CNST: variants seen among roughly 807,000 people sequenced by gnomAD.
CNST encodes the protein consortin, connexin sorting protein.
A neutral mutation model predicts 72.4 loss-of-function variants in CNST; 39 were observed. The observed-to-expected ratio is 0.54, with a 90% CI of 0.42 to 0.70. The LOEUF is 0.70. Among genes scored for constraint, CNST ranks in the 30% least tolerant of loss-of-function variants. The pLI is 0.00. For synonymous variants in CNST, 332 were observed against 320.1 expected (o/e 1.04, Z -0.40); for missense variants, 871 against 868.5 (o/e 1.00, Z -0.04).
At chr1:246,577,214 C>G (rs1342588577) in intron 1 of CNST, among the ~76,000 whole-genome samples, 2 of 152,018 alleles carry the variant, frequency 1.3e-5, no homozygotes, top group Non-Finnish European at 2.9e-5. Context: ...TGATACTTCT[C>G]ATGAAGTAAA....
chr1:246,608,638 G>A (rs544970290), intron 2 of CNST, among the ~76,000 whole-genome samples: 1 of 152,318 alleles, frequency 6.6e-6, no homozygotes, highest in Admixed American at 6.5e-5. Context: ...GTGATCAACA[G>A]GATTTAAGCC....
At chr1:246,636,759 A>G (rs1353786605) in intron 6 of CNST, among the ~76,000 whole-genome samples, 2 of 152,202 alleles carry the variant, frequency 1.3e-5, no homozygotes, top group Non-Finnish European at 2.9e-5. Flanking sequence ...TTACTTTATA[A>G]TAACTCTTTC....
chr1:246,572,242 AATAC>A (rs1660110718), intron 1 of CNST, among the ~76,000 whole-genome samples: 1 of 152,308 alleles, frequency 6.6e-6, no homozygotes, highest in South Asian at 2.1e-4. Context: ...CTGTCTCAAA[AATAC>A]ATACATAAAT....
intron 1 of CNST, among the ~76,000 whole-genome samples, chr1:246,568,774 G>A (rs573965715): frequency 2.6e-5 from 4 of 152,222 alleles, no homozygotes; most frequent in South Asian, 2.1e-4. Context: ...ACGGAGTTTC[G>A]CCATGTTGGC....
chr1:246,664,997 G>C (rs1285330966), intron 10 of CNST, among the ~76,000 whole-genome samples: 1 of 152,064 alleles, frequency 6.6e-6, no homozygotes, highest in Non-Finnish European at 1.5e-5. Flanking sequence ...TTAATATTAA[G>C]TCGACTTTGC....
chr1:246,644,308 GA>G (rs1665904533), intron 8 of CNST, among the ~76,000 whole-genome samples: 1 of 145,760 alleles, frequency 6.9e-6, no homozygotes, highest in African/African-American at 2.5e-5. Context: ...AGAATGGCGT[GA>G]ACCCGGGAGG....
At chr1:246,656,877 C>T (rs1374198228) in intron 9 of CNST, among the ~76,000 whole-genome samples, 1 of 152,122 alleles carries the variant, frequency 6.6e-6, no homozygotes, top group Non-Finnish European at 1.5e-5. Flanking sequence ...CTGCAGCGAG[C>T]TGTCAGCATG....
intron 9 of CNST, among the ~76,000 whole-genome samples, chr1:246,649,304 G>C (rs887317354): frequency 1.3e-5 from 2 of 151,956 alleles, no homozygotes; most frequent in Non-Finnish European, 2.9e-5. Flanking sequence ...GAATGCCACT[G>C]AATTGTATAC....
chr1:246,615,210 C>G (rs1340238487), intron 2 of CNST, among the ~76,000 whole-genome samples: 1 of 152,154 alleles, frequency 6.6e-6, no homozygotes, highest in Non-Finnish European at 1.5e-5. Flanking sequence ...GAGTCTCGCT[C>G]TGTCACCCAG....
chr1:246,595,299 C>T (rs975258020), intron 2 of CNST, among the ~76,000 whole-genome samples: 2 of 152,128 alleles, frequency 1.3e-5, no homozygotes, highest in African/African-American at 2.4e-5. Flanking sequence ...TGCTGGGACC[C>T]CACCCTAAGA....
intron 9 of CNST, among the ~76,000 whole-genome samples, chr1:246,659,168 C>T (rs1666928375): frequency 6.6e-6 from 1 of 152,194 alleles, no homozygotes; most frequent in African/African-American, 2.4e-5. Flanking sequence ...GCCATTGTAG[C>T]CCAGAAGCAG....
Position 246,647,533 on chromosome 1 carries a change from T to C in CNST, c.1332T>C (p.Pro444=). The change falls in exon 9 of 11, where the codon CCT becomes CCC. Residue 444 remains proline (P), a synonymous_variant. Coordinates refer to ENST00000366513, the MANE Select transcript of CNST (RefSeq NM_152609.3). ...CACCAGGCTGTGACCGTATACCTCC[T>C]GCATTGATTTCTGAGGGTAAATATT... ...LISPGCDRIP[P]ALISEGKYSQ... is the part of the protein sequence containing the mutation. 1 of 1,614,186 alleles carries C rather than the reference T, an allele frequency of 6.2e-7. No individual in the cohort carries two copies. Among genetic ancestry groups the C allele is most frequent in the African/African-American group, 1.3e-5 (1 of 75,056 alleles).
chr1:246,603,197 T>C (rs985958079), intron 2 of CNST, among the ~76,000 whole-genome samples: 2 of 152,192 alleles, frequency 1.3e-5, no homozygotes, highest in Non-Finnish European at 2.9e-5. Flanking sequence ...TTTTTAGATA[T>C]AAGCATATAG....
In CNST at chr1:246,666,511, TTTC is replaced by T. The variant is rs1395695246; in HGVS notation, c.*612_*614del. ...AATACCCAACATCACAAAGATGATC[TTTC>T]TTCTTTTAACTTGATGATGATGTGC... On this transcript the variant is annotated 3_prime_UTR_variant, in exon 11 of 11. Transcript: ENST00000366513. 1 of 152,694 alleles carries T rather than the reference TTTC, an allele frequency of 6.5e-6. No individual in the cohort carries two copies. The highest frequency in any genetic ancestry group is 1.5e-5 in the Non-Finnish European group (1 of 68,066). 9.5% of individuals were successfully genotyped at this position (152,694 alleles called of 1,614,324 possible).
At chr1:246,566,803 C>T (rs1333633783) in intron 1 of CNST, 140 bp downstream of exon 1, 10 of 397,588 alleles carry the variant, frequency 2.5e-5, no homozygotes, top group Non-Finnish European at 4.0e-5. Flanking sequence ...AGGTGTAGCC[C>T]GGTCCCCTTA....
At chr1:246,635,111 G>A (rs1665104256) in intron 6 of CNST, among the ~76,000 whole-genome samples, 1 of 152,210 alleles carries the variant, frequency 6.6e-6, no homozygotes, top group Admixed American at 6.5e-5. Flanking sequence ...GCCCTGGGGA[G>A]AATCTTTCAT....
At chr1:246,641,213 T>C (rs760425986) in intron 6 of CNST, among the ~76,000 whole-genome samples, 24 of 152,242 alleles carry the variant, frequency 1.6e-4, no homozygotes, top group Non-Finnish European at 3.2e-4. Context: ...CTATTATTAG[T>C]AGACTTTTAG....
At chr1:246,566,828 C>T (rs1028019267) in intron 1 of CNST, 165 bp downstream of exon 1, 4 of 396,816 alleles carry the variant, frequency 1.0e-5, no homozygotes, top group Non-Finnish European at 1.3e-5. Context: ...CTCCGCCTCT[C>T]AGGTCGCCTG....
intron 6 of CNST, among the ~76,000 whole-genome samples, chr1:246,639,094 A>T (rs538760634): frequency 7.9e-5 from 12 of 152,198 alleles, no homozygotes; most frequent in African/African-American, 2.7e-4. Flanking sequence ...CCATCCGAGA[A>T]CTGTGGTTGT....
Sources: allele counts gnomAD v4.1 joint callset (sites outside exome capture counted in the v4.1 genomes callset), GRCh38; gene constraint gnomAD v4.1.1; transcripts MANE v1.5; gene names NCBI Gene and HGNC (gene_info 2026-07-23, HGNC 2026-07-21).